PLCD4: variants seen among roughly 807,000 people sequenced by gnomAD.
PLCD4 encodes the protein phospholipase C delta 4, also known as 1-phosphatidylinositol 4,5-bisphosphate phosphodiesterase delta-4.
PLCD4 carries 63 observed loss-of-function variants against 90.2 expected under a neutral mutation model. That is an observed-to-expected ratio of 0.70 (90% confidence interval 0.57 to 0.86). The LOEUF (loss-of-function observed/expected upper bound fraction) is 0.86, where lower values mean the gene tolerates loss of function less well. Among genes scored for constraint, PLCD4 ranks in the 40% least tolerant of loss-of-function variants. PLCD4 has a pLI of 0.00. For missense variants in PLCD4, 830 were observed against 956.3 expected, an observed-to-expected ratio of 0.87 and a Z score of 1.74; for synonymous variants, 294 against 356.5, an observed-to-expected ratio of 0.82 and a Z score of 1.97.
At position 218,635,818 on chromosome 2, in the gene PLCD4, C is replaced by T. The variant is rs1349000427; in HGVS notation, c.1919C>T (p.Pro640Leu). Reference sequence around the variant, plus strand: ...CAGGTGATCAGCGGTCAGCAACTCCCCAAAGTGGACAAGACCAAAGAGGGG... The same window carrying T: ...CAGGTGATCAGCGGTCAGCAACTCCTCAAAGTGGACAAGACCAAAGAGGGG... Reference protein sequence around the residue: ...LIQVISGQQLPKVDKTKEGSI... With the variant: ...LIQVISGQQLLKVDKTKEGSI... Residue 640 changes from proline to leucine, a missense_variant, in exon 14 of 16, where the codon CCC (proline) becomes CTC (leucine). By Grantham distance (98) the Pro-to-Leu change is moderately conservative. Transcript: ENST00000450993. 5.0e-6 allele frequency: 8 copies of T among 1,613,412 alleles called. No individual in the cohort carries two copies. The highest frequency in any genetic ancestry group is 6.8e-6 in the Non-Finnish European group (8 of 1,179,658).
intron 6 of PLCD4, among the ~76,000 whole-genome samples, chr2:218,627,623 C>G (rs1053929452): frequency 3.9e-5 from 6 of 151,944 alleles, no homozygotes; most frequent in African/African-American, 1.5e-4. Flanking sequence ...CGCCATTCTC[C>G]TGCCTCAGCC....
At chr2:218,628,293 G>C (rs750734553) in intron 7 of PLCD4, 63 bp downstream of exon 7, 1 of 1,503,522 alleles carries the variant, frequency 6.7e-7, no homozygotes, top group Non-Finnish European at 9.2e-7. Context: ...AGTGAGGGGA[G>C]CTGTCAGTGT....
At position 218,636,831 on chromosome 2, in the gene PLCD4, C is replaced by G. The variant is rs770538349; in HGVS notation, c.*254C>G. ...GCCCTTTTCCTTTGTGTACTCTATA[C>G]TGGAGTTCCCTTCTTCCTCTTGCTG... On this transcript the variant is annotated 3_prime_UTR_variant, in exon 16 of 16. Coordinates refer to ENST00000450993, the MANE Select transcript of PLCD4 (RefSeq NM_032726.4). The G allele has an allele frequency of 1.8e-6, 1 of 561,118 alleles. No homozygotes were observed. The highest frequency in any genetic ancestry group is 3.4e-6 in the Non-Finnish European group (1 of 295,702). 34.8% of individuals were successfully genotyped at this position (561,118 alleles called of 1,614,324 possible).
intron 4 of PLCD4, among the ~76,000 whole-genome samples, chr2:218,620,893 C>CAAAAAAAAAA (rs34369545): frequency 1.6e-5 from 1 of 61,894 alleles, no homozygotes; most frequent in Non-Finnish European, 2.8e-5. Flanking sequence ...GACTCTGTCT[C>CAAAAAAAAAA]AAAAAAAAAA....
chr2:218,615,868 C>T lies in PLCD4; in HGVS notation c.23-36C>T, dbSNP rs200411061. The T allele has an allele frequency of 3.7e-6, 6 of 1,611,824 alleles. No homozygotes were observed. In the African/African-American group the frequency reaches 8.0e-5, roughly 21 times the overall value. On this transcript the variant is annotated intron_variant, in intron 2 of 15. Coordinates refer to ENST00000450993, the MANE Select transcript of PLCD4 (RefSeq NM_032726.4). ...GCTCTCCCTGGGCCTGCTACCCTCT[C>T]TGCTGGCTACCTAACCCCTGCTTTT...
intron 10 of PLCD4, among the ~76,000 whole-genome samples, chr2:218,633,069 G>A (rs1696476342): frequency 6.6e-6 from 1 of 152,116 alleles, no homozygotes; most frequent in Admixed American, 6.6e-5. Context: ...CTGCTGCCAT[G>A]TCCAGGGATG....
At chr2:218,630,899 T>C in intron 9 of PLCD4, 97 bp downstream of exon 9, 8 of 1,294,462 alleles carry the variant, frequency 6.2e-6, no homozygotes, top group South Asian at 1.6e-5. Flanking sequence ...CCCTTCTTTC[T>C]ATCCTCGGAT....
intron 7 of PLCD4, chr2:218,628,945 A>G (rs1375486711): frequency 6.5e-6 from 1 of 154,462 alleles, no homozygotes; most frequent in East Asian, 1.9e-4. Flanking sequence ...ACTGGACACA[A>G]TGGCTTATGC....
chr2:218,618,500 G>A (rs1359708694), intron 3 of PLCD4, 79 bp from the exon 4 acceptor site: 2 of 1,240,780 alleles, frequency 1.6e-6, no homozygotes, highest in African/African-American at 1.5e-5. Flanking sequence ...GGAGAAGGGG[G>A]TGCTGGTCCT....
At chr2:218,619,529 G>A (rs1695778786) in intron 4 of PLCD4, among the ~76,000 whole-genome samples, 1 of 151,954 alleles carries the variant, frequency 6.6e-6, no homozygotes, top group Non-Finnish European at 1.5e-5. Context: ...TCTGGACCTC[G>A]TGATCCACCC....
At chr2:218,618,864 C>A in intron 4 of PLCD4, 57 bp downstream of exon 4, 1 of 1,487,550 alleles carries the variant, frequency 6.7e-7, no homozygotes, top group Non-Finnish European at 9.2e-7. Flanking sequence ...CCTGAAGGAG[C>A]CAGATGCAAC....
At chr2:218,630,203 T>G (rs2106153745) in intron 8 of PLCD4, among the ~76,000 whole-genome samples, 1 of 152,154 alleles carries the variant, frequency 6.6e-6, no homozygotes, top group African/African-American at 2.4e-5. Flanking sequence ...AACAAAAAAC[T>G]ATTACTTCTA....
At chr2:218,627,807 C>T (rs1182923962) in intron 6 of PLCD4, among the ~76,000 whole-genome samples, 1 of 152,190 alleles carries the variant, frequency 6.6e-6, no homozygotes, top group Non-Finnish European at 1.5e-5. Context: ...GCACCGCGCC[C>T]AGCCTTGAAT....
chr2:218,613,796 G>T (rs754829380), intron 1 of PLCD4, among the ~76,000 whole-genome samples: 1 of 152,002 alleles, frequency 6.6e-6, no homozygotes. Flanking sequence ...CGAACTCCTG[G>T]GCCCAAGCAA....
intron 9 of PLCD4, 117 bp from the exon 10 acceptor site, chr2:218,632,019 G>A (rs571415517): frequency 4.8e-4 from 531 of 1,097,192 alleles, no homozygotes; most frequent in Non-Finnish European, 6.2e-4. Flanking sequence ...CTCTTCCCTC[G>A]GGAACTTCCG....
chr2:218,612,286 G>C (rs1468853664), intron 1 of PLCD4, among the ~76,000 whole-genome samples: 1 of 152,164 alleles, frequency 6.6e-6, no homozygotes, highest in Non-Finnish European at 1.5e-5. Context: ...ACTCAGAAAA[G>C]CAGAGATGAT....
chr2:218,616,958 A>AG (rs1695634413), intron 3 of PLCD4, among the ~76,000 whole-genome samples: 1 of 89,200 alleles, frequency 1.1e-5, no homozygotes, highest in African/African-American at 4.5e-5. Context: ...AGAGAGAGAG[A>AG]GAGAGAGAGA....
chr2:218,633,905 C>A, intron 11 of PLCD4, 144 bp downstream of exon 11: 1 of 1,230,532 alleles, frequency 8.1e-7, no homozygotes, highest in Non-Finnish European at 1.1e-6. Flanking sequence ...CAGACAAGGG[C>A]AGAGGAGTTA....
intron 6 of PLCD4, among the ~76,000 whole-genome samples, 182 bp from the exon 7 acceptor site, chr2:218,627,847 G>A (rs1226582047): frequency 1.3e-5 from 2 of 152,146 alleles, no homozygotes; most frequent in Admixed American, 6.6e-5. Flanking sequence ...AACATTCTTT[G>A]AGGGTGGGAA....
Sources: allele counts gnomAD v4.1 joint callset (sites outside exome capture counted in the v4.1 genomes callset), GRCh38; gene constraint gnomAD v4.1.1; transcripts MANE v1.5; gene names NCBI Gene and HGNC (gene_info 2026-07-23, HGNC 2026-07-21).